Variants in PTPRK observed in about 807,000 individuals in gnomAD.
The protein encoded by PTPRK is receptor-type tyrosine-protein phosphatase kappa.
In PTPRK, 75 loss-of-function variants were observed where a neutral mutation model predicts 178.0. The observed-to-expected ratio is 0.42, with a 90% CI of 0.35 to 0.51. The LOEUF is 0.51. Among genes scored for constraint, PTPRK ranks in the 20% least tolerant of loss-of-function variants. PTPRK has a pLI of 0.02. For synonymous variants in PTPRK, 637 were observed against 620.6 expected (o/e 1.03, Z -0.39); for missense variants, 1,441 against 1,797.8 (o/e 0.80, Z 3.59).
chr6:128,254,885 T>C (rs1311381911), intron 3 of PTPRK, among the ~76,000 whole-genome samples: 5 of 152,202 alleles, frequency 3.3e-5, no homozygotes, highest in Non-Finnish European at 7.3e-5. Context: ...TCCTTGGAAC[T>C]TTTTGTACAA....
chr6:128,393,242 C>T (rs1485140256), intron 2 of PTPRK, among the ~76,000 whole-genome samples: 1 of 151,966 alleles, frequency 6.6e-6, no homozygotes, highest in African/African-American at 2.4e-5. Context: ...AGGCAGCTGC[C>T]ACCATGCCTG....
At chr6:127,996,315 T>C (rs1777146565) in intron 17 of PTPRK, among the ~76,000 whole-genome samples, 1 of 152,184 alleles carries the variant, frequency 6.6e-6, no homozygotes, top group Admixed American at 6.5e-5. Flanking sequence ...TTCATTATCC[T>C]GATAGTCTCA....
intron 2 of PTPRK, among the ~76,000 whole-genome samples, chr6:128,366,795 T>C (rs750770285): frequency 3.3e-5 from 5 of 151,828 alleles, no homozygotes; most frequent in Non-Finnish European, 7.4e-5. Flanking sequence ...TAAAAGAGAG[T>C]GAATTAAAAT....
intron 13 of PTPRK, among the ~76,000 whole-genome samples, chr6:128,031,478 G>T (rs1775324965): frequency 1.3e-5 from 2 of 152,304 alleles, no homozygotes; most frequent in Non-Finnish European, 1.5e-5. Context: ...AATGTGAAAT[G>T]AATCATTCAC....
intron 1 of PTPRK, among the ~76,000 whole-genome samples, chr6:128,397,977 T>C (rs999299531): frequency 1.3e-5 from 2 of 152,176 alleles, no homozygotes; most frequent in Non-Finnish European, 2.9e-5. Flanking sequence ...TTTCTTGAAA[T>C]ATACAAAGTG....
intron 1 of PTPRK, among the ~76,000 whole-genome samples, chr6:128,431,787 T>C (rs1844867118): frequency 6.6e-6 from 1 of 152,214 alleles, no homozygotes; most frequent in Admixed American, 6.5e-5. Flanking sequence ...CATAAGTACC[T>C]AACACTAAAA....
chr6:128,200,643 A>C (rs1805728025), intron 6 of PTPRK, among the ~76,000 whole-genome samples: 1 of 151,412 alleles, frequency 6.6e-6, no homozygotes, highest in African/African-American at 2.4e-5. Flanking sequence ...CTGAGGTGAG[A>C]TTGCTTGTAT....
chr6:128,038,577 A>G (rs1227345434), intron 13 of PTPRK, among the ~76,000 whole-genome samples: 1 of 152,194 alleles, frequency 6.6e-6, no homozygotes, highest in Non-Finnish European at 1.5e-5. Flanking sequence ...GTCAGTGATT[A>G]CAAAAAAGCC....
chr6:128,323,940 T>A (rs1251448139), intron 2 of PTPRK, among the ~76,000 whole-genome samples: 4 of 152,124 alleles, frequency 2.6e-5, no homozygotes, highest in Non-Finnish European at 5.9e-5. Flanking sequence ...TTAAAAAGGA[T>A]ATCCTGGATC....
At chr6:128,505,825 C>T (rs1404040676) in intron 1 of PTPRK, among the ~76,000 whole-genome samples, 1 of 152,182 alleles carries the variant, frequency 6.6e-6, no homozygotes, top group Non-Finnish European at 1.5e-5. Flanking sequence ...GGTCAAAGAG[C>T]AACTCTGCAA....
rs1476861843 is a variant in PTPRK at position 127,969,638 on chromosome 6, T to G, written c.*589A>C. The G allele has an allele frequency of 6.6e-6, 1 of 152,152 alleles. No homozygotes were observed. Among genetic ancestry groups the G allele is most frequent in the African/African-American group, 2.4e-5 (1 of 41,454 alleles). The allele number at this position is 152,152 out of a possible 1,614,324, so 9.4% of individuals were successfully genotyped here. On this transcript the variant is annotated 3_prime_UTR_variant, in exon 30 of 30. Coordinates refer to ENST00000368226, the MANE Select transcript of PTPRK (RefSeq NM_002844.4). ...ATAATGTGCTTTCTCCATATAGACA[T>G]ATTTACACTTGAGTCTTTGGCTTAT...
chr6:127,999,857 G>A, intron 15 of PTPRK: 1 of 623,416 alleles, frequency 1.6e-6, no homozygotes, highest in Non-Finnish European at 2.0e-6. Context: ...GAATTAAAAA[G>A]TCAACTGAAT....
chr6:128,242,320 C>T (rs1814617532), intron 4 of PTPRK, among the ~76,000 whole-genome samples: 1 of 152,092 alleles, frequency 6.6e-6, no homozygotes, highest in African/African-American at 2.4e-5. Flanking sequence ...AATAGGTATA[C>T]AATTAGTTAC....
At chr6:128,509,927 T>C (rs1856925639) in intron 1 of PTPRK, among the ~76,000 whole-genome samples, 1 of 152,172 alleles carries the variant, frequency 6.6e-6, no homozygotes, top group Admixed American at 6.6e-5. Context: ...AGGGGCATAA[T>C]GAGTCAACAC....
chr6:128,034,832 G>A (rs1775939213), intron 13 of PTPRK, among the ~76,000 whole-genome samples: 1 of 152,128 alleles, frequency 6.6e-6, no homozygotes, highest in African/African-American at 2.4e-5. Flanking sequence ...AATACGTGTG[G>A]ATTGTGTGAA....
chr6:128,395,653 T>C (rs554295982), intron 2 of PTPRK, among the ~76,000 whole-genome samples: 324 of 152,202 alleles, frequency 2.1e-3, no homozygotes, highest in Non-Finnish European at 3.6e-3. Flanking sequence ...AGTAGTTTAA[T>C]TAAAATGCAC....
chr6:128,430,480 T>C (rs1844694572), intron 1 of PTPRK, among the ~76,000 whole-genome samples: 1 of 152,218 alleles, frequency 6.6e-6, no homozygotes, highest in Non-Finnish European at 1.5e-5. Context: ...GTTCATTCTA[T>C]ATCAGAGAGT....
intron 2 of PTPRK, among the ~76,000 whole-genome samples, chr6:128,332,627 T>C (rs1830425214): frequency 6.6e-6 from 1 of 152,170 alleles, no homozygotes; most frequent in African/African-American, 2.4e-5. Context: ...AGTTTAAAAA[T>C]GAGATGACAA....
intron 3 of PTPRK, among the ~76,000 whole-genome samples, chr6:128,298,968 A>G (rs1825027708): frequency 6.6e-6 from 1 of 152,016 alleles, no homozygotes; most frequent in South Asian, 2.1e-4. Context: ...TACCTAGAAA[A>G]CCCCACTGTC....
Sources: allele counts gnomAD v4.1 joint callset (sites outside exome capture counted in the v4.1 genomes callset), GRCh38; gene constraint gnomAD v4.1.1; transcripts MANE v1.5; gene names NCBI Gene and HGNC (gene_info 2026-07-23, HGNC 2026-07-21).